ELK4: variants seen among roughly 807,000 people sequenced by gnomAD.
ELK4 encodes the protein ETS domain-containing protein Elk-4.
In ELK4, 16 loss-of-function variants were observed where a neutral mutation model predicts 29.6. That is an observed-to-expected ratio of 0.54 (90% confidence interval 0.37 to 0.82). The LOEUF (loss-of-function observed/expected upper bound fraction) is 0.82. Among genes scored for constraint, ELK4 ranks in the 40% least tolerant of loss-of-function variants. The pLI is 0.00. For missense variants in ELK4, 465 were observed against 507.1 expected, an observed-to-expected ratio of 0.92 and a Z score of 0.80; for synonymous variants, 213 against 191.1, an observed-to-expected ratio of 1.11 and a Z score of -0.95.
At position 205,609,619 on chromosome 1, in the gene ELK4, G is replaced by T; in HGVS notation, c.*6927C>A. On this transcript the variant is annotated 3_prime_UTR_variant, in exon 5 of 5. Transcript: ENST00000357992. Reference sequence around the variant, plus strand: ...GTAAGCAATGAATGTACATACAAAGGCCACTGGTTAATACTGCCCCAAGTA... The same window carrying T: ...GTAAGCAATGAATGTACATACAAAGTCCACTGGTTAATACTGCCCCAAGTA... 9.8e-6 allele frequency: 2 copies of T among 204,440 alleles called. No homozygotes were observed. The highest frequency in any genetic ancestry group is 1.9e-4 in the South Asian group (1 of 5,276). The allele number at this position is 204,440 out of a possible 1,614,324, so 12.7% of individuals were successfully genotyped here.
At position 205,613,304 on chromosome 1, in the gene ELK4, TA is replaced by T; in HGVS notation, c.*3241del. ...GGGTAACACACCAAGACTCCATCTC[TA>T]AAAAATTAAATTAAAGGATTACTGA... On this transcript the variant is annotated 3_prime_UTR_variant, in exon 5 of 5. Coordinates refer to ENST00000357992, the MANE Select transcript of ELK4 (RefSeq NM_001973.4). The T allele has an allele frequency of 5.2e-6, 1 of 192,024 alleles. No individual in the cohort carries two copies. The highest frequency in any genetic ancestry group is 1.1e-5 in the Non-Finnish European group (1 of 91,916). The allele number at this position is 192,024 out of a possible 1,614,324, so 11.9% of individuals were successfully genotyped here.
At chr1:205,619,483 T>C in intron 3 of ELK4, 1 of 1,072,592 alleles carries the variant, frequency 9.3e-7, no homozygotes, top group Non-Finnish European at 1.1e-6. Flanking sequence ...TGTTTTTTTT[T>C]AATAATGAGG....
intron 4 of ELK4, among the ~76,000 whole-genome samples, chr1:205,617,896 C>T (rs139485123): frequency 1.2e-4 from 18 of 151,528 alleles, no homozygotes; most frequent in Admixed American, 7.2e-4. Flanking sequence ...AGCAAAACTC[C>T]GCCTCAAAAA....
chr1:205,629,597 A>T (rs1670537447), intron 1 of ELK4, among the ~76,000 whole-genome samples: 1 of 152,118 alleles, frequency 6.6e-6, no homozygotes, highest in African/African-American at 2.4e-5. Context: ...GGCACCTGTA[A>T]TTCCAGCTAC....
At chr1:205,627,077 T>C (rs566219415) in intron 1 of ELK4, among the ~76,000 whole-genome samples, 2 of 152,290 alleles carry the variant, frequency 1.3e-5, no homozygotes, top group African/African-American at 2.4e-5. Context: ...TTTCCACTTA[T>C]ATGAAATGTC....
intron 1 of ELK4, among the ~76,000 whole-genome samples, chr1:205,624,751 C>T (rs961030656): frequency 3.9e-5 from 6 of 152,106 alleles, no homozygotes; most frequent in Non-Finnish European, 5.9e-5. Flanking sequence ...ACAGCATACC[C>T]GGCCTCTACC....
In ELK4 at chr1:205,614,398, T is replaced by C. The variant is rs1670197683; in HGVS notation, c.*2148A>G. The C allele has an allele frequency of 4.4e-6, 1 of 227,084 alleles. No homozygotes were observed. Among genetic ancestry groups the C allele is most frequent in the Non-Finnish European group, 8.7e-6 (1 of 114,380 alleles). 14.1% of individuals were successfully genotyped at this position (227,084 alleles called of 1,614,324 possible). A position where few individuals can be genotyped will look rare whatever the true frequency, so the allele number is the denominator to read the frequency against. On this transcript the variant is annotated 3_prime_UTR_variant, in exon 5 of 5. Coordinates refer to ENST00000357992, the MANE Select transcript of ELK4 (RefSeq NM_001973.4). The stretch of plus-strand genomic sequence containing the variant: ...TTATTTAATGTACAAAATGTTAACC[T>C]AATTAAAACTATTTCAAAGTGCTGC...
Position 205,620,656 on chromosome 1 carries a change from C to T in ELK4, c.390G>A (p.Gln130=). ...VENGGKDKPP[Q]PGAKTSSRND... ...TGCGGCTAGAGGTCTTGGCACCAGG[C>T]TGAGGTGGTTTATCTTTCCCTCCAT... The change falls in exon 3 of 5, where the codon CAG becomes CAA. Residue 130 remains glutamine (Q), a synonymous_variant. Coordinates refer to ENST00000357992, the MANE Select transcript of ELK4 (RefSeq NM_001973.4). 5 of 1,614,120 alleles carry T rather than the reference C, an allele frequency of 3.1e-6. No homozygotes were observed. The highest frequency in any genetic ancestry group is 4.2e-6 in the Non-Finnish European group (5 of 1,180,014).
Position 205,620,239 on chromosome 1 carries a change from T to C in ELK4, c.807A>G (p.Ser269=), listed in dbSNP as rs746140824. 1 of 1,614,218 alleles carries C rather than the reference T, an allele frequency of 6.2e-7. No homozygotes were observed. The highest frequency in any genetic ancestry group is 8.5e-7 in the Non-Finnish European group (1 of 1,180,034). ...TGTCTGGGTGAGAACTCAGTGGTGG[T>C]GAAGGTGTTCTGGGAGGTTCCTGCA... ...PPLQEPPRTP[S]PPLSSHPDID... is the part of the protein sequence containing the mutation. The change falls in exon 3 of 5, where the codon TCA becomes TCG. Residue 269 remains serine (S), a synonymous_variant. Coordinates refer to ENST00000357992, the MANE Select transcript of ELK4 (RefSeq NM_001973.4).
rs1277872979 is a variant in ELK4 at position 205,612,463 on chromosome 1, A to G, written c.*4083T>C. ...TTTATAACACACATATTACTTTGGT[A>G]TAGCGGTATATAATTTAACATATAC... On this transcript the variant is annotated 3_prime_UTR_variant, in exon 5 of 5. Coordinates refer to ENST00000357992, the MANE Select transcript of ELK4 (RefSeq NM_001973.4). The G allele has an allele frequency of 4.7e-6, 1 of 214,524 alleles. No homozygotes were observed. The allele number at this position is 214,524 out of a possible 1,614,324, so 13.3% of individuals were successfully genotyped here. A position where few individuals can be genotyped will look rare whatever the true frequency, so the allele number is the denominator to read the frequency against.
At position 205,613,017 on chromosome 1, in the gene ELK4, CTT is replaced by C. The variant is rs113214027; in HGVS notation, c.*3527_*3528del. 104 of 177,920 alleles carry C rather than the reference CTT, an allele frequency of 5.8e-4. No homozygotes were observed. The highest frequency in any genetic ancestry group is 3.7e-3 in the Middle Eastern group (2 of 534). 11.0% of individuals were successfully genotyped at this position (177,920 alleles called of 1,614,324 possible). A position where few individuals can be genotyped will look rare whatever the true frequency, so the allele number is the denominator to read the frequency against. On this transcript the variant is annotated 3_prime_UTR_variant, in exon 5 of 5. Transcript: ENST00000357992. ...GTTGACCTTTCAAGGGCCTCTAATT[CTT>C]TTTTTTTTTTCCTGACCGTACTCCT...
chr1:205,614,169 T>A lies in ELK4; in HGVS notation c.*2377A>T, dbSNP rs1670195227. 4.5e-6 allele frequency: 1 copy of A among 220,764 alleles called. No homozygotes were observed. Among genetic ancestry groups the A allele is most frequent in the Non-Finnish European group, 9.1e-6 (1 of 110,244 alleles). 13.7% of individuals were successfully genotyped at this position (220,764 alleles called of 1,614,324 possible). On this transcript the variant is annotated 3_prime_UTR_variant, in exon 5 of 5. Coordinates refer to ENST00000357992, the MANE Select transcript of ELK4 (RefSeq NM_001973.4). ...ATAGATTTATGCAAAAAGGACTCAC[T>A]AAAATGGTTTACTAGGAAGTTGCTT... is the stretch of plus-strand genomic sequence containing the variant.
At chr1:205,627,154 G>A (rs1164129341) in intron 1 of ELK4, among the ~76,000 whole-genome samples, 2 of 152,178 alleles carry the variant, frequency 1.3e-5, no homozygotes, top group Admixed American at 1.3e-4. Context: ...CTAAAATGCG[G>A]GGAAGAGAAG....
intron 3 of ELK4, chr1:205,619,760 T>G (rs1213530179): frequency 6.7e-7 from 1 of 1,502,514 alleles, no homozygotes; most frequent in Non-Finnish European, 8.9e-7. Context: ...GAACAATGAA[T>G]TTTTTAAGAA....
intron 1 of ELK4, 90 bp from the exon 2 acceptor site, chr1:205,623,981 T>C (rs536799417): frequency 3.0e-5 from 35 of 1,179,368 alleles, no homozygotes; most frequent in Non-Finnish European, 4.0e-5. Context: ...GTGCTCTAAA[T>C]GTATTAATTC....
chr1:205,629,476 A>G (rs2102387432), intron 1 of ELK4, among the ~76,000 whole-genome samples: 1 of 152,334 alleles, frequency 6.6e-6, no homozygotes, highest in East Asian at 1.9e-4. Flanking sequence ...CTACCATCCC[A>G]GCACTTTGGG....
At position 205,616,611 on chromosome 1, in the gene ELK4, T is replaced by C; in HGVS notation, c.1231A>G (p.Thr411Ala). The C allele has an allele frequency of 6.2e-7, 1 of 1,613,806 alleles. No individual in the cohort carries two copies. The highest frequency in any genetic ancestry group is 2.2e-5 in the East Asian group (1 of 44,884). ...PSVLNSHGPFTLSGLDGPSTP... is the reference protein window; with the variant it reads ...PSVLNSHGPFALSGLDGPSTP... ...GAAGGTCCATCCAGCCCAGACAGAG[T>C]GAATGGCCCATGACTGTTCAGTACA... is the stretch of plus-strand genomic sequence containing the variant. Residue 411 changes from threonine to alanine, a missense_variant, in exon 5 of 5, where the codon ACT becomes GCT. Thr to Ala is a moderately conservative substitution (Grantham distance 58, BLOSUM62 0). Transcript: ENST00000357992.
At chr1:205,630,676 T>C (rs1476559608) in intron 1 of ELK4, among the ~76,000 whole-genome samples, 1 of 152,236 alleles carries the variant, frequency 6.6e-6, no homozygotes, top group African/African-American at 2.4e-5. Context: ...TTAAAGACAC[T>C]ACCTCACTAG....
chr1:205,619,030 TG>T lies in ELK4; in HGVS notation c.1123del (p.His375ThrfsTer12). On this transcript the variant is annotated frameshift_variant, in exon 4 of 5. Transcript: ENST00000357992. LOFTEE classifies it high-confidence loss of function. Reference protein sequence around the residue: ...LTPSPLLSSIHFWSTLSPVAP... With the variant: ...LTPSPLLSSIXFWSTLSPVAP... ...AACAGGACTGAGAGTACTCCAGAAGTGGATACTGGAGAGCAAGGGGCTTGGA... is the reference window on the plus strand; with the variant it reads ...AACAGGACTGAGAGTACTCCAGAAGTGATACTGGAGAGCAAGGGGCTTGGA... 1 of 1,609,922 alleles carries T rather than the reference TG, an allele frequency of 6.2e-7. No homozygotes were observed. The highest frequency in any genetic ancestry group is 8.5e-7 in the Non-Finnish European group (1 of 1,178,440).
Sources: allele counts gnomAD v4.1 joint callset (sites outside exome capture counted in the v4.1 genomes callset), GRCh38; gene constraint gnomAD v4.1.1; transcripts MANE v1.5; gene names NCBI Gene and HGNC (gene_info 2026-07-23, HGNC 2026-07-21).